The following RIMS1 variants were observed in gnomAD, a reference collection of about 807,000 sequenced individuals.
The protein encoded by RIMS1 is regulating synaptic membrane exocytosis protein 1.
A neutral mutation model predicts 214.1 loss-of-function variants in RIMS1; 83 were observed. The ratio of observed to expected loss-of-function variants is 0.39; its 90% confidence interval spans 0.32 to 0.47. The LOEUF is 0.47. Ranked by LOEUF, RIMS1 falls within the 20% of genes least tolerant of loss-of-function variation. The pLI, the probability that RIMS1 is intolerant of heterozygous loss-of-function variation, is 0.99. For missense variants in RIMS1, 2,050 were observed against 2,161.8 expected (o/e 0.95, Z 1.03); for synonymous variants, 793 against 786.8 (o/e 1.01, Z -0.13).
chr6:72,334,818 A>G (rs1360682195), intron 29 of RIMS1, among the ~76,000 whole-genome samples: 1 of 151,900 alleles, frequency 6.6e-6, no homozygotes, highest in Non-Finnish European at 1.5e-5. Flanking sequence ...AGAAGTAGGA[A>G]ATTTGAGTCA....
intron 6 of RIMS1, among the ~76,000 whole-genome samples, chr6:72,227,227 G>A (rs1451034178): frequency 2.6e-5 from 4 of 151,896 alleles, no homozygotes; most frequent in Non-Finnish European, 4.4e-5. Context: ...GTAAACTGCT[G>A]GGTAGAAAAA....
chr6:71,999,411 G>A (rs1157927562), intron 2 of RIMS1, among the ~76,000 whole-genome samples: 1 of 151,846 alleles, frequency 6.6e-6, no homozygotes, highest in African/African-American at 2.4e-5. Context: ...TTAGTTGGTG[G>A]GATGAACAAA....
chr6:72,240,948 G>A lies in RIMS1; in HGVS notation c.1958-1366G>A, dbSNP rs574828174. Among the ~76,000 whole-genome samples, 4 of 152,134 alleles carry A rather than the reference G, an allele frequency of 2.6e-5. No individual in the cohort carries two copies. The South Asian group carries it at 6.2e-4, about 24-fold the overall frequency. On this transcript the variant is annotated intron_variant, in intron 9 of 33. Transcript: ENST00000521978. ...GGAGGATCGCTTGAACCTGGGAGGC[G>A]GAGGTTGCAGTGAGCCGAGATTGCG...
intron 1 of RIMS1, among the ~76,000 whole-genome samples, chr6:71,936,934 T>C (rs1784625174): frequency 6.6e-6 from 1 of 152,212 alleles, no homozygotes; most frequent in Non-Finnish European, 1.5e-5. Context: ...AAGACTAAAG[T>C]ATTAGCTTTC....
chr6:72,198,333 AATAATC>A (rs2051339701), intron 6 of RIMS1, among the ~76,000 whole-genome samples: 1 of 74,206 alleles, frequency 1.3e-5, no homozygotes, highest in Admixed American at 1.3e-4. Flanking sequence ...ATTATGAAAT[AATAATC>A]ATCATCATCA....
chr6:72,102,973 G>T (rs1366309806), intron 4 of RIMS1, among the ~76,000 whole-genome samples: 1 of 152,058 alleles, frequency 6.6e-6, no homozygotes, highest in Non-Finnish European at 1.5e-5. Context: ...ATAAGAGTTT[G>T]CCTGGACCCA....
chr6:72,337,111 G>C (rs1401999539), intron 29 of RIMS1, among the ~76,000 whole-genome samples: 2 of 151,736 alleles, frequency 1.3e-5, no homozygotes, highest in African/African-American at 4.8e-5. Context: ...ACGTAGTAAA[G>C]AATGGTAAAT....
At chr6:72,310,218 C>A (rs529319984) in intron 27 of RIMS1, among the ~76,000 whole-genome samples, 2 of 152,122 alleles carry the variant, frequency 1.3e-5, no homozygotes, top group African/African-American at 4.8e-5. Context: ...TAGAACTGGA[C>A]TTTTTTTCAG....
chr6:72,360,936 T>G (rs1320268674), intron 29 of RIMS1, among the ~76,000 whole-genome samples: 1 of 149,548 alleles, frequency 6.7e-6, no homozygotes, highest in East Asian at 1.9e-4. Context: ...GTGGTAGGTT[T>G]TTTTTTTTTT....
intron 1 of RIMS1, among the ~76,000 whole-genome samples, chr6:71,949,714 C>T (rs1312502551): frequency 6.6e-6 from 1 of 152,156 alleles, no homozygotes; most frequent in Non-Finnish European, 1.5e-5. Flanking sequence ...TATAAGATCT[C>T]CATTTAACAG....
At chr6:72,258,931 C>G in intron 17 of RIMS1, 55 bp from the exon 18 acceptor site, 1 of 1,557,224 alleles carries the variant, frequency 6.4e-7, no homozygotes, top group South Asian at 1.1e-5. Context: ...AGTCTGTCTG[C>G]CTGTTTTGGG....
intron 1 of RIMS1, among the ~76,000 whole-genome samples, chr6:71,948,756 A>G (rs1406049214): frequency 6.6e-6 from 1 of 152,186 alleles, no homozygotes; most frequent in East Asian, 1.9e-4. Context: ...GGGCACAGCT[A>G]ACCTAGAGGA....
At chr6:72,178,387 T>C (rs1319825582) in intron 4 of RIMS1, among the ~76,000 whole-genome samples, 1 of 152,242 alleles carries the variant, frequency 6.6e-6, no homozygotes, top group Non-Finnish European at 1.5e-5. Flanking sequence ...TAGTTCATTT[T>C]CTTCATTTGA....
At chr6:72,351,715 A>G (rs905339621) in intron 29 of RIMS1, among the ~76,000 whole-genome samples, 1 of 152,208 alleles carries the variant, frequency 6.6e-6, no homozygotes, top group Non-Finnish European at 1.5e-5. Context: ...TTAAAATGCT[A>G]TTATATACTA....
At chr6:72,283,720 T>C (rs1373892246) in intron 23 of RIMS1, among the ~76,000 whole-genome samples, 2 of 152,126 alleles carry the variant, frequency 1.3e-5, no homozygotes, top group African/African-American at 2.4e-5. Flanking sequence ...CACCATTGCA[T>C]TTGTTTGCTC....
intron 6 of RIMS1, among the ~76,000 whole-genome samples, chr6:72,224,354 A>G (rs2059543128): frequency 6.6e-6 from 1 of 152,176 alleles, no homozygotes; most frequent in Admixed American, 6.5e-5. Context: ...CAGTATCTTC[A>G]AGGATAAACT....
intron 1 of RIMS1, among the ~76,000 whole-genome samples, chr6:71,920,867 A>G (rs1779763177): frequency 6.6e-6 from 1 of 152,262 alleles, no homozygotes; most frequent in African/African-American, 2.4e-5. Context: ...ACTGTTAATT[A>G]AACAAACCAA....
At chr6:71,897,992 G>A (rs1772377952) in intron 1 of RIMS1, among the ~76,000 whole-genome samples, 1 of 152,134 alleles carries the variant, frequency 6.6e-6, no homozygotes, top group Admixed American at 6.6e-5. Context: ...TAGTTATCGA[G>A]AGAACCAGGT....
chr6:72,186,276 CT>C (rs2049085004), intron 6 of RIMS1, among the ~76,000 whole-genome samples: 1 of 152,196 alleles, frequency 6.6e-6, no homozygotes, highest in Non-Finnish European at 1.5e-5. Flanking sequence ...TGGGTAGTAA[CT>C]TTGAGGTAAA....
Sources: gnomAD v4.1 joint callset for allele counts (sites outside exome capture counted in the v4.1 genomes callset) on GRCh38, gnomAD v4.1.1 for gene constraint, MANE v1.5 for transcripts, NCBI Gene and HGNC (gene_info 2026-07-23, HGNC 2026-07-21) for gene names.